The following NAALADL2 variants were observed in gnomAD, a reference collection of about 807,000 sequenced individuals.
NAALADL2 encodes the protein inactive N-acetylated-alpha-linked acidic dipeptidase-like protein 2.
A neutral mutation model predicts 87.2 loss-of-function variants in NAALADL2; 76 were observed. That is an observed-to-expected ratio of 0.87 (90% CI 0.72 to 1.05). NAALADL2 has a LOEUF of 1.05. Among genes scored for constraint, NAALADL2 ranks in the 50% least tolerant of loss-of-function variants. The probability of loss-of-function intolerance (pLI) is 0.00; values close to 1 mark genes in which losing one functional copy is unlikely to be tolerated. For missense variants in NAALADL2, 1,089 were observed against 945.8 expected (o/e 1.15, Z -1.99); for synonymous variants, 354 against 331.0 (o/e 1.07, Z -0.75).
At chr3:175,173,104 G>A (rs995074869) in intron 2 of NAALADL2, among the ~76,000 whole-genome samples, 81 of 151,728 alleles carry the variant, frequency 5.3e-4, no homozygotes, top group African/African-American at 1.8e-3. Context: ...AAGCCTGGGC[G>A]ACATGGCTAA....
chr3:175,199,037 GT>G (rs1254837917), intron 2 of NAALADL2, among the ~76,000 whole-genome samples: 1 of 152,104 alleles, frequency 6.6e-6, no homozygotes, highest in African/African-American at 2.4e-5. Context: ...TCAATAAATA[GT>G]TTTAAGTAAA....
rs528309046 is a variant in NAALADL2 at position 175,080,087 on chromosome 3, TC to T, written c.44-16700del. Among the ~76,000 whole-genome samples, 1,210 of 151,994 alleles carry T rather than the reference TC, an allele frequency of 8.0e-3. 7 individuals carry two copies. The highest frequency in any genetic ancestry group is 0.034 in the South Asian group (163 of 4,808). The stretch of plus-strand genomic sequence containing the variant: ...TTCACGCCATTCTCCTGCCTCAGCC[TC>T]CCGAGTAGCTGGGACTACAGGCGCC... On this transcript the variant is annotated intron_variant, in intron 1 of 13. Transcript: ENST00000454872.
chr3:175,352,788 T>C (rs2148881167), intron 5 of NAALADL2, among the ~76,000 whole-genome samples: 1 of 152,250 alleles, frequency 6.6e-6, no homozygotes, highest in African/African-American at 2.4e-5. Flanking sequence ...TATGTCAAAA[T>C]TGTGCTGAAT....
intron 3 of NAALADL2, among the ~76,000 whole-genome samples, chr3:174,799,216 G>C (rs760996390): frequency 1.3e-5 from 2 of 151,998 alleles, no homozygotes. Context: ...CTTTGTGGAT[G>C]CATTGTTTTT....
intron 1 of NAALADL2, among the ~76,000 whole-genome samples, chr3:174,887,965 A>G (rs1330370143): frequency 6.6e-6 from 1 of 152,198 alleles, no homozygotes; most frequent in African/African-American, 2.4e-5. Context: ...GATCAAAGTT[A>G]TAAAAAATAA....
intron 9 of NAALADL2, among the ~76,000 whole-genome samples, chr3:175,572,014 A>G (rs1718149081): frequency 2.0e-5 from 3 of 152,102 alleles, no homozygotes; most frequent in African/African-American, 4.8e-5. Context: ...AAGAGAGAGG[A>G]GGAGAAAAGA....
chr3:174,892,778 G>T (rs1731016006), intron 1 of NAALADL2, among the ~76,000 whole-genome samples: 1 of 151,798 alleles, frequency 6.6e-6, no homozygotes, highest in South Asian at 2.1e-4. Context: ...CAAAAAATTA[G>T]CCAGGTGGTG....
intron 2 of NAALADL2, among the ~76,000 whole-genome samples, chr3:174,716,481 A>C (rs1731201463): frequency 6.6e-6 from 1 of 152,118 alleles, no homozygotes. Flanking sequence ...GTAAAAGAGA[A>C]ACTCTCATTT....
At chr3:175,373,208 T>C (rs1190323382) in intron 5 of NAALADL2, among the ~76,000 whole-genome samples, 3 of 152,206 alleles carry the variant, frequency 2.0e-5, no homozygotes, top group African/African-American at 7.2e-5. Context: ...CAATTAAATG[T>C]AAAATTTGTT....
intron 1 of NAALADL2, among the ~76,000 whole-genome samples, chr3:174,894,871 CAA>C (rs1466376749): frequency 6.6e-6 from 1 of 151,736 alleles, no homozygotes. Flanking sequence ...CTAGAAATAA[CAA>C]GAGGAGTTTC....
At chr3:175,721,431 C>G (rs1414829681) in intron 11 of NAALADL2, among the ~76,000 whole-genome samples, 2 of 151,958 alleles carry the variant, frequency 1.3e-5, no homozygotes, top group African/African-American at 2.4e-5. Flanking sequence ...GGATTTTTGA[C>G]TTTTAAGAAA....
intron 3 of NAALADL2, among the ~76,000 whole-genome samples, chr3:175,245,243 A>C (rs1291053673): frequency 6.6e-6 from 1 of 152,202 alleles, no homozygotes; most frequent in Non-Finnish European, 1.5e-5. Context: ...ACGAAAGGAC[A>C]GCTATATAAT....
intron 9 of NAALADL2, among the ~76,000 whole-genome samples, chr3:175,514,111 T>A (rs1192353756): frequency 6.6e-6 from 1 of 152,226 alleles, no homozygotes; most frequent in Non-Finnish European, 1.5e-5. Context: ...TTGGGTTGTA[T>A]AGGGTCATGG....
At chr3:175,211,014 C>T (rs1430577149) in intron 2 of NAALADL2, among the ~76,000 whole-genome samples, 1 of 151,610 alleles carries the variant, frequency 6.6e-6, no homozygotes, top group Non-Finnish European at 1.5e-5. Flanking sequence ...GAAATTAAAT[C>T]TAACATTTGA....
intron 3 of NAALADL2, among the ~76,000 whole-genome samples, chr3:174,830,655 T>C (rs1049900894): frequency 1.3e-5 from 2 of 152,190 alleles, no homozygotes; most frequent in African/African-American, 4.8e-5. Context: ...AAGGCATTGG[T>C]AGCTTGATGG....
chr3:174,563,154 A>AT (rs1199600967), intron 2 of NAALADL2, among the ~76,000 whole-genome samples: 3 of 151,814 alleles, frequency 2.0e-5, no homozygotes, highest in Non-Finnish European at 4.4e-5. Flanking sequence ...TAAAATTAAG[A>AT]TTTTTTTCTT....
chr3:175,322,942 G>C (rs931346883), intron 4 of NAALADL2, among the ~76,000 whole-genome samples: 1 of 151,660 alleles, frequency 6.6e-6, no homozygotes, highest in Non-Finnish European at 1.5e-5. Flanking sequence ...ATTCCTCGGG[G>C]ATCTAGAACT....
At chr3:174,614,732 T>C (rs1720280255) in intron 2 of NAALADL2, among the ~76,000 whole-genome samples, 1 of 152,204 alleles carries the variant, frequency 6.6e-6, no homozygotes, top group African/African-American at 2.4e-5. Flanking sequence ...TTTGTTAAAT[T>C]GGTGTTCTTG....
At chr3:174,458,855 C>T (rs1559996651) in intron 1 of NAALADL2, among the ~76,000 whole-genome samples, 1 of 152,186 alleles carries the variant, frequency 6.6e-6, no homozygotes. Flanking sequence ...ATAGCCTCAT[C>T]TCCTGTCCCT....
Sources: gnomAD v4.1 joint callset for allele counts (sites outside exome capture counted in the v4.1 genomes callset) on GRCh38, gnomAD v4.1.1 for gene constraint, MANE v1.5 for transcripts, NCBI Gene and HGNC (gene_info 2026-07-23, HGNC 2026-07-21) for gene names.